CCR1: variants seen among roughly 807,000 people sequenced by gnomAD.
CCR1 encodes C-C chemokine receptor type 1.
Under a neutral mutation model 0.3 loss-of-function variants are expected in CCR1, and 1 was observed. That is an observed-to-expected ratio of 3.70 (90% CI 1.31 to 17.54). The LOEUF (loss-of-function observed/expected upper bound fraction) is 17.54. Ranked by LOEUF, CCR1 falls within the 30% of genes most tolerant of loss-of-function variation. The pLI, the probability that CCR1 is intolerant of heterozygous loss-of-function variation, is 0.11. For synonymous variants in CCR1, 207 were observed against 182.5 expected (o/e 1.13, Z -1.08); for missense variants, 349 against 435.4 (o/e 0.80, Z 1.77).
chr3:46,204,386 G>A lies in CCR1; in HGVS notation c.-11-62C>T, dbSNP rs1181949986. Reference sequence around the variant, plus strand: ...TCTGCTACTAAAGGCAGTGGGCACTGGACAGTAAAGACAAGGGAGAGGTAA... The same window carrying A: ...TCTGCTACTAAAGGCAGTGGGCACTAGACAGTAAAGACAAGGGAGAGGTAA... On this transcript the variant is annotated intron_variant, in intron 1 of 1. Coordinates refer to ENST00000296140, the MANE Select transcript of CCR1 (RefSeq NM_001295.3). 5 of 1,058,184 alleles carry A rather than the reference G, an allele frequency of 4.7e-6. No individual in the cohort carries two copies. In the Admixed American group the frequency reaches 8.6e-5, roughly 18 times the overall value. The allele number at this position is 1,058,184 out of a possible 1,614,324, so 65.5% of individuals were successfully genotyped here.
At chr3:46,206,980 C>T (rs972367663) in intron 1 of CCR1, among the ~76,000 whole-genome samples, 1 of 152,186 alleles carries the variant, frequency 6.6e-6, no homozygotes, top group African/African-American at 2.4e-5. Flanking sequence ...GCCTATGGTG[C>T]GCTGGCTGGC....
Position 46,203,252 on chromosome 3 carries a change from C to T in CCR1, c.1062G>A (p.Gly354=), listed in dbSNP as rs1423684540. The T allele has an allele frequency of 6.2e-7, 1 of 1,611,908 alleles. No individual in the cohort carries two copies. The highest frequency in any genetic ancestry group is 1.7e-5 in the Admixed American group (1 of 59,938). The part of the protein sequence containing the change: ...PSTGEHELSA[G]F ...TGGCCTCCTATGGTCTGAGTCAGAA[C>T]CCAGCAGAGAGTTCATGCTCCCCTG... The change falls in exon 2 of 2, where the codon GGG becomes GGA. Residue 354 remains glycine, a synonymous_variant. Transcript: ENST00000296140. The surrounding 1 kb of genome is among the most constrained non-coding windows in gnomAD (Gnocchi z 4.5).
intron 1 of CCR1, among the ~76,000 whole-genome samples, chr3:46,207,975 C>T (rs995927579): frequency 7.2e-5 from 11 of 152,184 alleles, no homozygotes; most frequent in African/African-American, 2.7e-4. Flanking sequence ...CCACAGAAAA[C>T]ACCTTTTGTC....
rs536038690 is a variant in CCR1 at position 46,201,908 on chromosome 3, G to T, written c.*1338C>A. On this transcript the variant is annotated 3_prime_UTR_variant, in exon 2 of 2. Transcript: ENST00000296140. ...TTGTCTTTGGGTAGTGGAAGTGTAG[G>T]TAATGTCAGTGTTTGGGGTTTTTCT... 1 of 152,312 alleles carries T rather than the reference G, an allele frequency of 6.6e-6. No homozygotes were observed. Among genetic ancestry groups the T allele is most frequent in the Non-Finnish European group, 1.5e-5 (1 of 68,028 alleles). The allele number at this position is 152,312 out of a possible 1,614,324, so 9.4% of individuals were successfully genotyped here. A position where few individuals can be genotyped will look rare whatever the true frequency, so the allele number is the denominator to read the frequency against.
chr3:46,203,170 G>C lies in CCR1; in HGVS notation c.*76C>G. The C allele has an allele frequency of 9.3e-7, 1 of 1,069,918 alleles. No homozygotes were observed. Among genetic ancestry groups the C allele is most frequent in the Non-Finnish European group, 1.4e-6 (1 of 722,862 alleles). 66.3% of individuals were successfully genotyped at this position (1,069,918 alleles called of 1,614,324 possible). A position where few individuals can be genotyped will look rare whatever the true frequency, so the allele number is the denominator to read the frequency against. On this transcript the variant is annotated 3_prime_UTR_variant, in exon 2 of 2. Coordinates refer to ENST00000296140, the MANE Select transcript of CCR1 (RefSeq NM_001295.3). This position sits in a 1 kb window ranked among gnomAD's most constrained non-coding sequence, Gnocchi z 4.5. Reference sequence around the variant, plus strand: ...TGTGCCAAGAGTCAGAACCTGGCTGGGAGAGCCAGGCTGCTGGCTCAGTGT... The same window carrying C: ...TGTGCCAAGAGTCAGAACCTGGCTGCGAGAGCCAGGCTGCTGGCTCAGTGT...
chr3:46,202,538 T>G lies in CCR1; in HGVS notation c.*708A>C, dbSNP rs141370720. The G allele has an allele frequency of 2.8e-4, 43 of 152,306 alleles. No individual in the cohort carries two copies. Among genetic ancestry groups the G allele is most frequent in the African/African-American group, 9.6e-4 (40 of 41,538 alleles). The allele number at this position is 152,306 out of a possible 1,614,324, so 9.4% of individuals were successfully genotyped here. A position where few individuals can be genotyped will look rare whatever the true frequency, so the allele number is the denominator to read the frequency against. ...CACTCCCTGAATTGTTTGATTTTAGTGGATATAAAAATTCTTCCTAAGGGC... is the reference window on the plus strand; with the variant it reads ...CACTCCCTGAATTGTTTGATTTTAGGGGATATAAAAATTCTTCCTAAGGGC... On this transcript the variant is annotated 3_prime_UTR_variant, in exon 2 of 2. Coordinates refer to ENST00000296140, the MANE Select transcript of CCR1 (RefSeq NM_001295.3).
intron 1 of CCR1, among the ~76,000 whole-genome samples, chr3:46,207,706 G>A (rs1443632579): frequency 6.7e-6 from 1 of 150,316 alleles, no homozygotes. Flanking sequence ...GTGTAGTGGT[G>A]CAATCTCAGC....
In CCR1 at chr3:46,204,281, G is replaced by A. The variant is rs762719844; in HGVS notation, c.33C>T (p.Asp11=). ...CCCCATAGTCAAACTCTGTGGTCGT[G>A]TCATAGTCCTCTGTGGTGTTTGGAG... The part of the protein sequence containing the change: METPNTTEDY[D]TTTEFDYGDA... The change falls in exon 2 of 2, where the codon GAC becomes GAT. Residue 11 remains aspartate, a synonymous_variant. Coordinates refer to ENST00000296140, the MANE Select transcript of CCR1 (RefSeq NM_001295.3). 1 of 1,608,690 alleles carries A rather than the reference G, an allele frequency of 6.2e-7. No homozygotes were observed. Among genetic ancestry groups the A allele is most frequent in the Non-Finnish European group, 8.5e-7 (1 of 1,177,668 alleles).
Position 46,203,899 on chromosome 3 carries a change from C to T in CCR1, c.415G>A (p.Val139Met), listed in dbSNP as rs199998480. 6.2e-6 allele frequency: 10 copies of T among 1,614,024 alleles called. No homozygotes were observed. The East Asian group carries it at 6.7e-5, about 11-fold the overall frequency. Residue 139 changes from valine to methionine, a missense_variant, in exon 2 of 2, where the codon GTG becomes ATG. Val to Met is a conservative substitution (Grantham distance 21). Coordinates refer to ENST00000296140, the MANE Select transcript of CCR1 (RefSeq NM_001295.3). This position sits in a 1 kb window ranked among gnomAD's most constrained non-coding sequence, Gnocchi z 4.5. The stretch of plus-strand genomic sequence containing the variant: ...ACGGTCCGTGCCCGCAAGGCAAACA[C>T]GGCGTGGACGATGGCCAGGTACCTG... ...IDRYLAIVHAVFALRARTVTF... is the reference protein window; with the variant it reads ...IDRYLAIVHAMFALRARTVTF...
Position 46,201,757 on chromosome 3 carries a change from G to A in CCR1, c.*1489C>T, listed in dbSNP as rs935323543. ...CCTGGGAAAGTGATCACAACTTGCT[G>A]CTAATTAAAACCAACAATAGAACAG... On this transcript the variant is annotated 3_prime_UTR_variant, in exon 2 of 2. Coordinates refer to ENST00000296140, the MANE Select transcript of CCR1 (RefSeq NM_001295.3). 1 of 152,172 alleles carries A rather than the reference G, an allele frequency of 6.6e-6. No homozygotes were observed. Among genetic ancestry groups the A allele is most frequent in the Non-Finnish European group, 1.5e-5 (1 of 68,034 alleles). The allele number at this position is 152,172 out of a possible 1,614,324, so 9.4% of individuals were successfully genotyped here.
chr3:46,205,231 G>A (rs1479051454), intron 1 of CCR1, among the ~76,000 whole-genome samples: 4 of 152,166 alleles, frequency 2.6e-5, no homozygotes, highest in Non-Finnish European at 5.9e-5. Flanking sequence ...AGAGTGGGCT[G>A]AGCCTGACCC....
intron 1 of CCR1, among the ~76,000 whole-genome samples, chr3:46,205,514 G>A (rs904465447): frequency 2.6e-5 from 4 of 152,132 alleles, no homozygotes; most frequent in African/African-American, 9.7e-5. Context: ...TCACTCTGTA[G>A]GTTGCCTTTG....
chr3:46,203,589 A>G lies in CCR1; in HGVS notation c.725T>C (p.Phe242Ser). 6.2e-7 allele frequency: 1 copy of G among 1,614,124 alleles called. No individual in the cohort carries two copies. Among genetic ancestry groups the G allele is most frequent in the East Asian group, 2.2e-5 (1 of 44,886 alleles). ...EKKSKAVRLI[F>S]VIMIIFFLFW... Reference sequence around the variant, plus strand: ...GAGAAAAAAGATGATCATGATGACAAAAATCAAACGGACAGCTTTGGATTT... The same window carrying G: ...GAGAAAAAAGATGATCATGATGACAGAAATCAAACGGACAGCTTTGGATTT... Residue 242 changes from phenylalanine (F) to serine (S), a missense_variant, in exon 2 of 2, where the codon TTT becomes TCT. Transcript: ENST00000296140. The surrounding 1 kb of genome is among the most constrained non-coding windows in gnomAD (Gnocchi z 4.5).
chr3:46,207,224 C>A lies in CCR1; in HGVS notation c.-12+1058G>T, dbSNP rs192977884. 6.0e-4 allele frequency among the ~76,000 whole-genome samples: 92 copies of A among 152,340 alleles called. 1 individual carries two copies. The highest frequency in any genetic ancestry group is 2.1e-3 in the African/African-American group (89 of 41,576). On this transcript the variant is annotated intron_variant, in intron 1 of 1. Transcript: ENST00000296140. ...ACTGTCCCACTGCTCGGTGCGGGAACTAAAGGATCAGTGAGTGGCACATAG... is the reference window on the plus strand; with the variant it reads ...ACTGTCCCACTGCTCGGTGCGGGAAATAAAGGATCAGTGAGTGGCACATAG...
intron 1 of CCR1, among the ~76,000 whole-genome samples, chr3:46,205,141 C>T (rs1287491415): frequency 6.6e-6 from 1 of 152,104 alleles, no homozygotes; most frequent in Non-Finnish European, 1.5e-5. Context: ...TCATTCTACC[C>T]CAAACACCAG....
rs199754203 is a variant in CCR1 at position 46,202,627 on chromosome 3, C to T, written c.*619G>A. ...ATTTCTCGTTAGGTCTCAACTCTTC[C>T]GTCATGAGTTCTATGTTCCCCAGGA... On this transcript the variant is annotated 3_prime_UTR_variant, in exon 2 of 2. Transcript: ENST00000296140. 4 of 152,150 alleles carry T rather than the reference C, an allele frequency of 2.6e-5. No homozygotes were observed. Among genetic ancestry groups the T allele is most frequent in the African/African-American group, 4.8e-5 (2 of 41,420 alleles). 9.4% of individuals were successfully genotyped at this position (152,150 alleles called of 1,614,324 possible).
At position 46,204,036 on chromosome 3, in the gene CCR1, T is replaced by C. The variant is rs1559520326; in HGVS notation, c.278A>G (p.Tyr93Cys). 4 of 1,614,162 alleles carry C rather than the reference T, an allele frequency of 2.5e-6. No individual in the cohort carries two copies. The highest frequency in any genetic ancestry group is 2.2e-5 in the South Asian group (2 of 91,084). ...AAAAACCCAGTCATCCTTCAACTTG[T>C]AGTCGATCCAGAAGGGAAGCGTGAA... is the stretch of plus-strand genomic sequence containing the variant. ...FLFTLPFWID[Y>C]KLKDDWVFGD... Residue 93 changes from tyrosine to cysteine, a missense_variant, in exon 2 of 2, where the codon TAC becomes TGC. Tyr to Cys is a radical substitution (Grantham distance 194). Coordinates refer to ENST00000296140, the MANE Select transcript of CCR1 (RefSeq NM_001295.3).
chr3:46,202,487 G>A lies in CCR1; in HGVS notation c.*759C>T, dbSNP rs990434830. The A allele has an allele frequency of 1.3e-5, 2 of 152,122 alleles. No individual in the cohort carries two copies. The highest frequency in any genetic ancestry group is 2.4e-5 in the African/African-American group (1 of 41,412). 9.4% of individuals were successfully genotyped at this position (152,122 alleles called of 1,614,324 possible). ...ATGGCTATTTTAAGAAGCACACCAT[G>A]TTATTCATATGGCCCGTGCTTAGCC... On this transcript the variant is annotated 3_prime_UTR_variant, in exon 2 of 2. Coordinates refer to ENST00000296140, the MANE Select transcript of CCR1 (RefSeq NM_001295.3).
intron 1 of CCR1, among the ~76,000 whole-genome samples, chr3:46,206,903 C>G (rs1699653456): frequency 6.6e-6 from 1 of 152,200 alleles, no homozygotes. Flanking sequence ...CTAGTGTCCT[C>G]CAGCCTGGGA....
Sources: gnomAD v4.1 joint callset for allele counts (sites outside exome capture counted in the v4.1 genomes callset) on GRCh38, gnomAD v4.1.1 for gene constraint, Gnocchi (gnomAD v3.1) non-coding constraint, MANE v1.5 for transcripts, NCBI Gene and HGNC (gene_info 2026-07-23, HGNC 2026-07-21) for gene names.